Variants in CHD8 observed in about 807,000 individuals in gnomAD.
The protein encoded by CHD8 is chromodomain helicase DNA binding protein 8, also known as ATP-dependent chromatin remodeler CHD8.
CHD8 carries 31 observed loss-of-function variants against 279.2 expected under a neutral mutation model. The ratio of observed to expected loss-of-function variants is 0.11; its 90% CI spans 0.08 to 0.15. CHD8 has a LOEUF of 0.15. Among genes scored for constraint, CHD8 ranks in the 10% least tolerant of loss-of-function variants. The pLI is 1.00. For missense variants in CHD8, 2,146 were observed against 3,230.5 expected, an observed-to-expected ratio of 0.66 and a Z score of 8.14; for synonymous variants, 1,081 against 1,139.6, an observed-to-expected ratio of 0.95 and a Z score of 1.04.
rs1310954888 is a variant in CHD8, at chr14:21,403,677, A to T, written c.3308-14T>A. The T allele has an allele frequency of 6.4e-7, 1 of 1,561,884 alleles. No individual in the cohort carries two copies. The highest frequency in any genetic ancestry group is 1.9e-5 in the Admixed American group (1 of 52,408). ...TTTCTTCAGCACCTGCCAAAAGAAAAATCAAATTATGTTGAGATCCAGTGA... is the reference window on the plus strand; with the variant it reads ...TTTCTTCAGCACCTGCCAAAAGAAATATCAAATTATGTTGAGATCCAGTGA... On this transcript the variant is annotated splice_polypyrimidine_tract_variant and intron_variant, in intron 16 of 37. Coordinates refer to ENST00000646647, the MANE Select transcript of CHD8 (RefSeq NM_001170629.2). This position sits in a 1 kb window ranked among gnomAD's most constrained non-coding sequence, Gnocchi z 4.3.
intron 1 of CHD8, among the ~76,000 whole-genome samples, chr14:21,443,451 A>G (rs1043090350): frequency 1.3e-5 from 2 of 152,178 alleles, no homozygotes; most frequent in African/African-American, 2.4e-5. Context: ...GCAGGTAGAG[A>G]AAAAACAGCT....
At chr14:21,392,872 A>C in intron 33 of CHD8, 63 bp from the exon 34 acceptor site, 1 of 1,515,832 alleles carries the variant, frequency 6.6e-7, no homozygotes, top group Non-Finnish European at 9.1e-7. Context: ...TGATCCTGTG[A>C]TACTCAATAG....
In CHD8 at chr14:21,431,329, T is replaced by C. The variant is rs759477487; in HGVS notation, c.315A>G (p.Pro105=). Residue 105 remains proline (P), a synonymous_variant, in exon 2 of 38, where the codon CCA becomes CCG. Transcript: ENST00000646647. ...TCGATGTCTGTAAGACAGGTTGGGCTGGCTGCTCCTGGCTGGCAGGCTGAG... is the reference window on the plus strand; with the variant it reads ...TCGATGTCTGTAAGACAGGTTGGGCCGGCTGCTCCTGGCTGGCAGGCTGAG... The part of the protein sequence containing the change: ...YTTQPASQEQ[P]AQPVLQTSTP... 58 of 1,540,978 alleles carry C rather than the reference T, an allele frequency of 3.8e-5. No individual in the cohort carries two copies. Among genetic ancestry groups the C allele is most frequent in the Middle Eastern group, 1.7e-4 (1 of 6,018 alleles).
At position 21,407,006 on chromosome 14, in the gene CHD8, C is replaced by A; in HGVS notation, c.2757G>T (p.Lys919Asn). 6.3e-7 allele frequency: 1 copy of A among 1,592,762 alleles called. No homozygotes were observed. Among genetic ancestry groups the A allele is most frequent in the Non-Finnish European group, 8.6e-7 (1 of 1,169,016 alleles). The change falls in exon 14 of 38, where the codon AAG (lysine) becomes AAT (asparagine). Residue 919 changes from lysine to asparagine, a missense_variant. By Grantham distance (94) the Lys-to-Asn change is moderately conservative (BLOSUM62 0). Coordinates refer to ENST00000646647, the MANE Select transcript of CHD8 (RefSeq NM_001170629.2). ...SRGRLIPGAYKFDALITTFEM... is the reference protein window; with the variant it reads ...SRGRLIPGAYNFDALITTFEM... Reference sequence around the variant, plus strand: ...CAAAAGTGGTGATCAGAGCGTCAAACTTGTATGCGCCTGGGATGAGGCGTC... The same window carrying A: ...CAAAAGTGGTGATCAGAGCGTCAAAATTGTATGCGCCTGGGATGAGGCGTC...
intron 1 of CHD8, among the ~76,000 whole-genome samples, chr14:21,441,614 CGT>C (rs1254504790): frequency 2.0e-5 from 3 of 151,968 alleles, no homozygotes; most frequent in East Asian, 1.9e-4. Context: ...TAGAGCTGGG[CGT>C]GGTGGCTCAT....
intron 1 of CHD8, among the ~76,000 whole-genome samples, chr14:21,443,495 G>C (rs1174192848): frequency 6.6e-6 from 1 of 152,164 alleles, no homozygotes; most frequent in Non-Finnish European, 1.5e-5. Context: ...CACAGAGGCA[G>C]AGAATAGAGA....
At chr14:21,414,095 T>A in intron 9 of CHD8, 1 of 513,338 alleles carries the variant, frequency 1.9e-6, no homozygotes, top group Non-Finnish European at 3.5e-6. Flanking sequence ...TTTCAAAATA[T>A]CCTATAACTA....
intron 1 of CHD8, among the ~76,000 whole-genome samples, chr14:21,448,093 T>TAATA (rs2139571557): frequency 1.3e-5 from 2 of 152,224 alleles, no homozygotes. Flanking sequence ...GTGTTCAGCC[T>TAATA]AATAGAAATA....
At chr14:21,395,915 G>C (rs562934084) in intron 27 of CHD8, 23 bp from the exon 28 acceptor site, 61 of 1,515,140 alleles carry the variant, frequency 4.0e-5, no homozygotes, top group Non-Finnish European at 1.5e-5. Flanking sequence ...AGAGGCACAA[G>C]AAAATGTTAA....
rs1338022916 is a variant in CHD8 at position 21,408,915 on chromosome 14, A to G, written c.2365-90T>C. ...AAGTTCTAATAGTTAAAATCAATTC[A>G]AAACAACATTGTTTGGATTAAAACA... On this transcript the variant is annotated intron_variant, in intron 11 of 37. Transcript: ENST00000646647. The surrounding 1 kb of genome is among the most constrained non-coding windows in gnomAD (Gnocchi z 4.3). 2.3e-6 allele frequency: 3 copies of G among 1,288,160 alleles called. No homozygotes were observed. Among genetic ancestry groups the G allele is most frequent in the Non-Finnish European group, 3.2e-6 (3 of 935,614 alleles). The allele number at this position is 1,288,160 out of a possible 1,614,324, so 79.8% of individuals were successfully genotyped here.
chr14:21,387,720 C>T lies in CHD8; in HGVS notation c.7183-1544G>A, dbSNP rs1459545184. Among the ~76,000 whole-genome samples the T allele has an allele frequency of 2.1e-5, 3 of 145,756 alleles. No individual in the cohort carries two copies. In the East Asian group the frequency reaches 6.2e-4, roughly 30 times the overall value. ...ACTCAGGAGGCTGAGGCAGGAGAATCACTTGAACCCAGGAGGCGGAGGTTG... is the reference window on the plus strand; with the variant it reads ...ACTCAGGAGGCTGAGGCAGGAGAATTACTTGAACCCAGGAGGCGGAGGTTG... On this transcript the variant is annotated intron_variant, in intron 37 of 37. Coordinates refer to ENST00000646647, the MANE Select transcript of CHD8 (RefSeq NM_001170629.2).
chr14:21,389,231 TA>T (rs1235980494), intron 37 of CHD8, among the ~76,000 whole-genome samples: 1 of 146,610 alleles, frequency 6.8e-6, no homozygotes, highest in Non-Finnish European at 1.5e-5. Flanking sequence ...ACTTGGGAGG[TA>T]AAGGTTGCAG....
At chr14:21,409,803 T>A (rs764115617) in intron 11 of CHD8, 48 bp downstream of exon 11, 1 of 1,532,132 alleles carries the variant, frequency 6.5e-7, no homozygotes, top group Non-Finnish European at 8.8e-7. Flanking sequence ...GGAAAAAATT[T>A]AATCATTTCT....
chr14:21,385,674 G>A lies in CHD8; in HGVS notation c.7685C>T (p.Ser2562Leu). ...TGGCATCATAGGATCATCAATGAGT[G>A]AGAAGTCCCTTTCTGAGCTATCATA... ...QGYDSSERDF[S>L]LIDDPMMPAN... Residue 2562 changes from serine to leucine, a missense_variant, in exon 38 of 38, where the codon TCA (serine) becomes TTA (leucine). By Grantham distance (145) the Ser-to-Leu change is moderately radical. Around this residue, in one of 26 missense-constraint regions of CHD8, gnomAD observed 336 missense variants for 392.9 expected, o/e 0.86. Coordinates refer to ENST00000646647, the MANE Select transcript of CHD8 (RefSeq NM_001170629.2). The A allele has an allele frequency of 6.4e-7, 1 of 1,551,938 alleles. No individual in the cohort carries two copies. The highest frequency in any genetic ancestry group is 8.7e-7 in the Non-Finnish European group (1 of 1,147,054).
At chr14:21,437,058 A>AGGG in intron 1 of CHD8, 8 of 117,396 alleles carry the variant, frequency 6.8e-5, no homozygotes, top group Admixed American at 5.6e-4. Flanking sequence ...AGACGGGAAG[A>AGGG]TGCGGGGGGT....
intron 5 of CHD8, among the ~76,000 whole-genome samples, chr14:21,417,223 G>A (rs569327084): frequency 6.6e-6 from 1 of 152,260 alleles, no homozygotes; most frequent in Admixed American, 6.5e-5. Context: ...CGACTTCCAT[G>A]AAGAAAAATT....
intron 1 of CHD8, among the ~76,000 whole-genome samples, chr14:21,455,489 C>T (rs1041307365): frequency 1.3e-5 from 2 of 152,140 alleles, no homozygotes; most frequent in African/African-American, 4.8e-5. Context: ...AAACATTCTC[C>T]AACAGCCTGC....
At chr14:21,401,313 A>C (rs557200117) in intron 21 of CHD8, 90 bp downstream of exon 21, 4 of 830,438 alleles carry the variant, frequency 4.8e-6, no homozygotes, top group Non-Finnish European at 7.4e-6. Context: ...CATAAATCAC[A>C]ATTAGCATCA....
chr14:21,422,724 T>C (rs1889104657), intron 5 of CHD8, among the ~76,000 whole-genome samples: 1 of 151,968 alleles, frequency 6.6e-6, no homozygotes, highest in African/African-American at 2.4e-5. Flanking sequence ...GGTCAGGAGT[T>C]GAACGCCAGC....
Sources: gnomAD v4.1 joint callset for allele counts (sites outside exome capture counted in the v4.1 genomes callset) on GRCh38, gnomAD v4.1.1 for gene constraint, gnomAD v4.1.1 regional missense constraint, Gnocchi (gnomAD v3.1) non-coding constraint, MANE v1.5 for transcripts, NCBI Gene and HGNC (gene_info 2026-07-23, HGNC 2026-07-21) for gene names.